Variants in TMEM232 observed in about 807,000 individuals in gnomAD.
TMEM232 encodes the protein transmembrane protein 232.
In TMEM232, 80 loss-of-function variants were observed where a neutral mutation model predicts 78.8. That is an observed-to-expected ratio of 1.01 (90% CI 0.85 to 1.22). The LOEUF is 1.22. Among genes scored for constraint, TMEM232 ranks in the 50% most tolerant of loss-of-function variants. The probability of loss-of-function intolerance (pLI) is 0.00; values close to 1 mark genes in which losing one functional copy is unlikely to be tolerated. For synonymous variants in TMEM232, 297 were observed against 254.3 expected (o/e 1.17, Z -1.60); for missense variants, 881 against 742.2 (o/e 1.19, Z -2.17).
intron 1 of TMEM232, among the ~76,000 whole-genome samples, chr5:110,673,212 C>A (rs1202280213): frequency 2.0e-5 from 3 of 151,678 alleles, no homozygotes; most frequent in African/African-American, 7.3e-5. Flanking sequence ...GACAAAAAAC[C>A]AAACACCGCA....
At chr5:110,494,635 G>C (rs942289424) in intron 12 of TMEM232, among the ~76,000 whole-genome samples, 3 of 151,958 alleles carry the variant, frequency 2.0e-5, no homozygotes, top group East Asian at 1.9e-4. Context: ...ATGTCACCAG[G>C]AGTCTGTATA....
At chr5:110,617,078 A>C (rs1783014897) in intron 8 of TMEM232, among the ~76,000 whole-genome samples, 1 of 152,242 alleles carries the variant, frequency 6.6e-6, no homozygotes, top group Non-Finnish European at 1.5e-5. Context: ...ACACAATGGA[A>C]TACTATCCTG....
chr5:110,408,516 C>T (rs562542875), intron 2 of TMEM232, among the ~76,000 whole-genome samples: 1 of 151,856 alleles, frequency 6.6e-6, no homozygotes, highest in East Asian at 2.0e-4. Context: ...TGCTTGAATC[C>T]AGGAGAAAGA....
upstream of TMEM232, among the ~76,000 whole-genome samples, chr5:110,728,952 T>C (rs1798415800): frequency 6.6e-6 from 1 of 151,770 alleles, no homozygotes. Context: ...TGGAGCGATC[T>C]CAGCTCATTG....
intron 11 of TMEM232, among the ~76,000 whole-genome samples, chr5:110,551,437 A>T (rs567651053): frequency 3.4e-4 from 51 of 151,082 alleles, no homozygotes; most frequent in African/African-American, 1.2e-3. Flanking sequence ...CTTGGCCAGG[A>T]TGGTCTTGAA....
At chr5:110,598,873 A>C (rs1431722883) in intron 10 of TMEM232, among the ~76,000 whole-genome samples, 2 of 79,678 alleles carry the variant, frequency 2.5e-5, no homozygotes, top group Non-Finnish European at 2.3e-5. Flanking sequence ...GGGTGGGGGG[A>C]GGGGGGAGGG....
intron 1 of TMEM232, among the ~76,000 whole-genome samples, chr5:110,681,267 C>T (rs1334987722): frequency 6.6e-6 from 1 of 152,144 alleles, no homozygotes; most frequent in East Asian, 1.9e-4. Flanking sequence ...CAAGGATTAA[C>T]TGAGGACCAG....
At chr5:110,495,837 A>G (rs1765581975) in intron 12 of TMEM232, among the ~76,000 whole-genome samples, 1 of 151,694 alleles carries the variant, frequency 6.6e-6, no homozygotes, top group Non-Finnish European at 1.5e-5. Flanking sequence ...TAATAATGAT[A>G]ATTCTATTAT....
At chr5:110,658,380 C>T (rs1314906062) in intron 2 of TMEM232, among the ~76,000 whole-genome samples, 1 of 151,992 alleles carries the variant, frequency 6.6e-6, no homozygotes, top group Non-Finnish European at 1.5e-5. Flanking sequence ...GTTTCTGTTT[C>T]AGTCTTAGCA....
chr5:110,606,202 T>C lies in TMEM232; in HGVS notation c.988A>G (p.Arg330Gly). Residue 330 changes from arginine to glycine, a missense_variant, in exon 9 of 14, where the codon AGA (arginine) becomes GGA (glycine). By Grantham distance (125) the Arg-to-Gly change is moderately radical (BLOSUM62 -2). Transcript: ENST00000455884. Reference sequence around the variant, plus strand: ...GACATAATGCTTGAAACAAAATCTCTCACTACGTCCATTAAAGCTTTCAAG... The same window carrying C: ...GACATAATGCTTGAAACAAAATCTCCCACTACGTCCATTAAAGCTTTCAAG... ...ACLKALMDVVRDFVSSIMSVQ... is the reference protein window; with the variant it reads ...ACLKALMDVVGDFVSSIMSVQ... The C allele has an allele frequency of 6.5e-7, 1 of 1,548,466 alleles. No homozygotes were observed. Among genetic ancestry groups the C allele is most frequent in the East Asian group, 2.4e-5 (1 of 40,828 alleles).
chr5:110,508,407 A>ATG (rs1767210279), intron 12 of TMEM232, among the ~76,000 whole-genome samples: 1 of 150,928 alleles, frequency 6.6e-6, no homozygotes, highest in Admixed American at 6.6e-5. Context: ...TTATATATAT[A>ATG]TAAAATACAT....
intron 12 of TMEM232, among the ~76,000 whole-genome samples, chr5:110,475,802 G>C (rs1044444462): frequency 2.6e-5 from 4 of 151,802 alleles, no homozygotes; most frequent in African/African-American, 4.8e-5. Context: ...ACACTACCAG[G>C]GTCTGGGGAA....
At chr5:110,442,762 T>G (rs1183033739) in intron 12 of TMEM232, among the ~76,000 whole-genome samples, 1 of 152,156 alleles carries the variant, frequency 6.6e-6, no homozygotes, top group Admixed American at 6.5e-5. Flanking sequence ...GTGGTCATCC[T>G]TCTGGAGAAG....
intron 3 of TMEM232, among the ~76,000 whole-genome samples, chr5:110,391,937 T>C (rs1333267788): frequency 6.6e-6 from 1 of 152,212 alleles, no homozygotes; most frequent in Non-Finnish European, 1.5e-5. Flanking sequence ...GCAGGCTTAC[T>C]GATAAACTGA....
At chr5:110,701,070 T>C (rs1426020276) in intron 1 of TMEM232, among the ~76,000 whole-genome samples, 1 of 151,934 alleles carries the variant, frequency 6.6e-6, no homozygotes, top group Non-Finnish European at 1.5e-5. Flanking sequence ...GAAGAGATTT[T>C]CTGGAACTTT....
intron 1 of TMEM232, among the ~76,000 whole-genome samples, chr5:110,710,690 C>G (rs565398512): frequency 5.3e-5 from 8 of 151,812 alleles, no homozygotes; most frequent in Non-Finnish European, 1.2e-4. Flanking sequence ...AATCAACATC[C>G]TTTTATGATA....
At chr5:110,522,255 T>G (rs1021874164) in intron 12 of TMEM232, among the ~76,000 whole-genome samples, 2 of 152,176 alleles carry the variant, frequency 1.3e-5, no homozygotes, top group African/African-American at 4.8e-5. Flanking sequence ...GTAACAGATT[T>G]TATTTGTTGA....
chr5:110,599,140 A>G (rs1233720108), intron 10 of TMEM232, among the ~76,000 whole-genome samples: 1 of 152,146 alleles, frequency 6.6e-6, no homozygotes, highest in Non-Finnish European at 1.5e-5. Flanking sequence ...TGTCACCATC[A>G]GGCCTGCCTT....
intron 3 of TMEM232, among the ~76,000 whole-genome samples, chr5:110,392,968 G>T (rs1276319863): frequency 6.6e-6 from 1 of 152,152 alleles, no homozygotes; most frequent in Non-Finnish European, 1.5e-5. Flanking sequence ...TAATGTTCAT[G>T]AATTTGGTGA....
Sources: gnomAD v4.1 joint callset for allele counts (sites outside exome capture counted in the v4.1 genomes callset) on GRCh38, gnomAD v4.1.1 for gene constraint, MANE v1.5 for transcripts, NCBI Gene and HGNC (gene_info 2026-07-23, HGNC 2026-07-21) for gene names.